PIAS4: variants seen among roughly 807,000 people sequenced by gnomAD.
PIAS4 encodes the protein protein inhibitor of activated STAT 4, also known as E3 SUMO-protein ligase PIAS4.
PIAS4 carries 7 observed loss-of-function variants against 58.0 expected under a neutral mutation model. That is an observed-to-expected ratio of 0.12 (90% CI 0.07 to 0.23). The LOEUF is 0.23. Among genes scored for constraint, PIAS4 ranks in the 10% least tolerant of loss-of-function variants. The pLI is 1.00. For missense variants in PIAS4, 550 were observed against 709.5 expected (o/e 0.78, Z 2.55); for synonymous variants, 364 against 312.4 (o/e 1.17, Z -1.74).
At chr19:4,021,051 G>C (rs2040104411) in intron 2 of PIAS4, among the ~76,000 whole-genome samples, 1 of 152,226 alleles carries the variant, frequency 6.6e-6, no homozygotes. Flanking sequence ...CCCACCAGCA[G>C]AGAGTTCTGA....
intron 1 of PIAS4, 113 bp from the exon 2 acceptor site, chr19:4,012,810 G>A (rs946429491): frequency 1.7e-6 from 2 of 1,210,362 alleles, no homozygotes; most frequent in East Asian, 2.3e-5. Flanking sequence ...CAAGGCTGGC[G>A]CTTCCTGGCG....
intron 2 of PIAS4, among the ~76,000 whole-genome samples, chr19:4,022,661 TG>T (rs2040122040): frequency 4.6e-5 from 7 of 151,696 alleles, no homozygotes; most frequent in Admixed American, 4.6e-4. Flanking sequence ...CCACCGCGCC[TG>T]GCCGTTTGTT....
rs1300821259 is a variant in PIAS4, at chr19:4,037,226, TC to T, written c.1143-145del. On this transcript the variant is annotated intron_variant, in intron 9 of 10. Transcript: ENST00000262971. This position sits in a 1 kb window ranked among gnomAD's most constrained non-coding sequence, Gnocchi z 5.8. ...TGAGGGCGGGGGAGGGAATGCGGGG[TC>T]CCTGGACCCCTGCGGTCGGGGTGGT... 3 of 1,014,890 alleles carry T rather than the reference TC, an allele frequency of 3.0e-6. No individual in the cohort carries two copies. The East Asian group carries it at 7.9e-5, about 27-fold the overall frequency. 62.9% of individuals were successfully genotyped at this position (1,014,890 alleles called of 1,614,324 possible). A position where few individuals can be genotyped will look rare whatever the true frequency, so the allele number is the denominator to read the frequency against.
chr19:4,023,575 C>T (rs563363092), intron 2 of PIAS4, among the ~76,000 whole-genome samples: 52 of 152,320 alleles, frequency 3.4e-4, no homozygotes, highest in Admixed American at 1.2e-3. Context: ...AGCACCATGG[C>T]CTTCATCCCG....
rs1197285393 is a variant in PIAS4, at chr19:4,033,482, C to T, written c.1044C>T (p.Phe348=). The T allele has an allele frequency of 2.5e-6, 4 of 1,579,310 alleles. No individual in the cohort carries two copies. The highest frequency in any genetic ancestry group is 1.8e-5 in the Admixed American group (1 of 54,444). ...RAETCAHLQC[F]DAVFYLQMNE... is the part of the protein sequence containing the mutation. ...AGACCTGTGCCCACCTGCAGTGCTT[C>T]GACGCCGTCTTCTACCTGCAGATGA... Residue 348 remains phenylalanine (F), a synonymous_variant, in exon 9 of 11, where the codon TTC becomes TTT. Transcript: ENST00000262971.
rs1281220679 is a variant in PIAS4, at chr19:4,039,282, C to A, written c.*1407C>A. ...GCCCGCAGCCCGCTGCGCAGCTCGG[C>A]CCCTCCCGCCCGCACGGGCAGCTGA... is the stretch of plus-strand genomic sequence containing the variant. On this transcript the variant is annotated 3_prime_UTR_variant, in exon 11 of 11. Coordinates refer to ENST00000262971, the MANE Select transcript of PIAS4 (RefSeq NM_015897.4). The A allele has an allele frequency of 6.6e-6, 1 of 152,288 alleles. No homozygotes were observed. The highest frequency in any genetic ancestry group is 1.5e-5 in the Non-Finnish European group (1 of 68,062). 9.4% of individuals were successfully genotyped at this position (152,288 alleles called of 1,614,324 possible).
chr19:4,009,580 A>G (rs530759242), intron 1 of PIAS4, among the ~76,000 whole-genome samples: 3 of 150,738 alleles, frequency 2.0e-5, no homozygotes, highest in Admixed American at 6.6e-5. Flanking sequence ...CCCCACCCCA[A>G]TTAAATCAAG....
Position 4,015,065 on chromosome 19 carries a change from G to A in PIAS4, c.454+1716G>A, listed in dbSNP as rs2040038073. On this transcript the variant is annotated intron_variant, in intron 2 of 10. Coordinates refer to ENST00000262971, the MANE Select transcript of PIAS4 (RefSeq NM_015897.4). The stretch of plus-strand genomic sequence containing the variant: ...AGGTGTCTAGCAGCAGCCTCCTGGG[G>A]AGCAGGTTGGCCCAGTGGCACCTGT... Among the ~76,000 whole-genome samples, 3 of 152,236 alleles carry A rather than the reference G, an allele frequency of 2.0e-5. No individual in the cohort carries two copies. The South Asian group carries it at 6.2e-4, about 32-fold the overall frequency.
At chr19:4,027,501 T>TA in intron 3 of PIAS4, among the ~76,000 whole-genome samples, 1 of 152,056 alleles carries the variant, frequency 6.6e-6, no homozygotes, top group East Asian at 1.9e-4. Flanking sequence ...TTTGGGTAGA[T>TA]AGACTTTTTC....
At chr19:4,009,308 C>G (rs374313134) in intron 1 of PIAS4, among the ~76,000 whole-genome samples, 1 of 152,202 alleles carries the variant, frequency 6.6e-6, no homozygotes, top group African/African-American at 2.4e-5. Flanking sequence ...GCGCACACTT[C>G]TGCTCCTCTC....
chr19:4,025,146 C>T (rs1022926178), intron 3 of PIAS4, among the ~76,000 whole-genome samples: 3 of 152,242 alleles, frequency 2.0e-5, no homozygotes, highest in African/African-American at 2.4e-5. Context: ...ATGGTTCCCT[C>T]GGTGGGGCCG....
intron 2 of PIAS4, among the ~76,000 whole-genome samples, chr19:4,020,984 GGTCT>G (rs1180235229): frequency 6.6e-6 from 1 of 152,176 alleles, no homozygotes; most frequent in Non-Finnish European, 1.5e-5. Flanking sequence ...TGATAGGGTA[GGTCT>G]GTGCTTACCT....
chr19:4,025,915 T>A (rs2040158705), intron 3 of PIAS4, among the ~76,000 whole-genome samples: 1 of 151,048 alleles, frequency 6.6e-6, no homozygotes, highest in Admixed American at 6.6e-5. Flanking sequence ...CTACCAAACA[T>A]ACAAAAAAAT....
intron 2 of PIAS4, among the ~76,000 whole-genome samples, chr19:4,016,619 T>G (rs1258512925): frequency 1.3e-5 from 2 of 152,080 alleles, no homozygotes; most frequent in Admixed American, 1.3e-4. Context: ...TTACTCTACA[T>G]TTGTGAGGAG....
chr19:4,015,987 G>A (rs946187580), intron 2 of PIAS4, among the ~76,000 whole-genome samples: 1 of 152,198 alleles, frequency 6.6e-6, no homozygotes, highest in African/African-American at 2.4e-5. Flanking sequence ...GTGTGGGGAC[G>A]GGGCTGGCAC....
intron 9 of PIAS4, among the ~76,000 whole-genome samples, chr19:4,035,906 ACC>A (rs2040272892): frequency 9.0e-6 from 1 of 111,494 alleles, no homozygotes; most frequent in Non-Finnish European, 1.9e-5. Flanking sequence ...TACAGTCCAC[ACC>A]GTCTCACACA....
rs1234409829 is a variant in PIAS4, at chr19:4,014,794, C to T, written c.454+1445C>T. Reference sequence around the variant, plus strand: ...TGGGTGCCAGCTGGCCCCCGCTCCCCTGCCCAGGGAGGCAGCGTTGATGGG... The same window carrying T: ...TGGGTGCCAGCTGGCCCCCGCTCCCTTGCCCAGGGAGGCAGCGTTGATGGG... On this transcript the variant is annotated intron_variant, in intron 2 of 10. Coordinates refer to ENST00000262971, the MANE Select transcript of PIAS4 (RefSeq NM_015897.4). Among the ~76,000 whole-genome samples, 4 of 152,248 alleles carry T rather than the reference C, an allele frequency of 2.6e-5. No individual in the cohort carries two copies. In the East Asian group the frequency reaches 7.7e-4, roughly 29 times the overall value.
In PIAS4 at chr19:4,037,595, C is replaced by T. The variant is rs759041535; in HGVS notation, c.1274-21C>T. ...AGTGGTTGCATCCTAAGTACCTGCA[C>T]CCTGTCCCTGTTGCCCGTAGGCCCC... On this transcript the variant is annotated intron_variant, in intron 10 of 10. Transcript: ENST00000262971. This position sits in a 1 kb window ranked among gnomAD's most constrained non-coding sequence, Gnocchi z 5.8. 1.2e-6 allele frequency: 2 copies of T among 1,608,298 alleles called. No homozygotes were observed. The highest frequency in any genetic ancestry group is 1.3e-5 in the African/African-American group (1 of 74,930).
At chr19:4,030,981 C>T (rs1314560128) in intron 7 of PIAS4, among the ~76,000 whole-genome samples, 1 of 152,188 alleles carries the variant, frequency 6.6e-6, no homozygotes, top group Non-Finnish European at 1.5e-5. Context: ...TCTGGGCCAG[C>T]CGGGTTTGCT....
Sources: gnomAD v4.1 joint callset for allele counts (sites outside exome capture counted in the v4.1 genomes callset) on GRCh38, gnomAD v4.1.1 for gene constraint, Gnocchi (gnomAD v3.1) non-coding constraint, MANE v1.5 for transcripts, NCBI Gene and HGNC (gene_info 2026-07-23, HGNC 2026-07-21) for gene names.